Variants in DOT1L observed in about 807,000 individuals in gnomAD.
DOT1L encodes the protein DOT1 like histone lysine methyltransferase, also known as histone-lysine N-methyltransferase, H3 lysine-79 specific.
In DOT1L, 33 loss-of-function variants were observed where a neutral mutation model predicts 153.3. The observed-to-expected ratio is 0.22, with a 90% CI of 0.16 to 0.29. The LOEUF is 0.29. DOT1L is among the 10% of genes least tolerant of loss of function. DOT1L has a pLI of 1.00. For missense variants in DOT1L, 1,847 were observed against 2,119.9 expected (o/e 0.87, Z 2.53); for synonymous variants, 1,135 against 965.1 (o/e 1.18, Z -3.26).
At position 2,191,646 on chromosome 19, in the gene DOT1L, G is replaced by T. The variant is rs968522416; in HGVS notation, c.493+406G>T. Among the ~76,000 whole-genome samples, 5 of 152,134 alleles carry T rather than the reference G, an allele frequency of 3.3e-5. No homozygotes were observed. The highest frequency in any genetic ancestry group is 1.2e-4 in the African/African-American group (5 of 41,438). On this transcript the variant is annotated intron_variant, in intron 5 of 27. Coordinates refer to ENST00000398665, the MANE Select transcript of DOT1L (RefSeq NM_032482.3). This position sits in a 1 kb window ranked among gnomAD's most constrained non-coding sequence, Gnocchi z 6.8. ...CCGCAGTCCTTCCCTGGGCACACCTGCTCCCTCCACAGCGGCTGGAAAGGT... is the reference window on the plus strand; with the variant it reads ...CCGCAGTCCTTCCCTGGGCACACCTTCTCCCTCCACAGCGGCTGGAAAGGT...
At chr19:2,200,012 G>C in intron 8 of DOT1L, 73 bp downstream of exon 8, 1 of 1,571,612 alleles carries the variant, frequency 6.4e-7, no homozygotes, top group Non-Finnish European at 8.7e-7. Context: ...TGGCACCGGG[G>C]ACCGGGAGCG....
Position 2,231,475 on chromosome 19 carries a change from A to AT in DOT1L, c.*1683_*1684insT, listed in dbSNP as rs1555731638. ...TGAAGACCCCTGCTTGTGCCTGGTG[A>AT]GGGGGGTGCTGCCTCCCCCAGCCCC... is the stretch of plus-strand genomic sequence containing the variant. On this transcript the variant is annotated 3_prime_UTR_variant, in exon 28 of 28. Transcript: ENST00000398665. The AT allele has an allele frequency of 2.9e-5, 6 of 205,864 alleles. No individual in the cohort carries two copies. The highest frequency in any genetic ancestry group is 5.9e-5 in the Non-Finnish European group (6 of 100,880). The allele number at this position is 205,864 out of a possible 1,614,324, so 12.8% of individuals were successfully genotyped here.
intron 1 of DOT1L, among the ~76,000 whole-genome samples, chr19:2,168,871 C>G (rs1360077158): frequency 6.6e-6 from 1 of 152,204 alleles, no homozygotes; most frequent in East Asian, 1.9e-4. Flanking sequence ...GCCTGGGCCT[C>G]CCAGAGTGCT....
chr19:2,205,626 A>G (rs1350213274), intron 9 of DOT1L, among the ~76,000 whole-genome samples: 3 of 152,032 alleles, frequency 2.0e-5, no homozygotes, highest in Non-Finnish European at 4.4e-5. Context: ...TTGCATCTAC[A>G]GTTAGATTTT....
At chr19:2,226,047 C>T in intron 26 of DOT1L, 136 bp from the exon 27 acceptor site, 3 of 942,784 alleles carry the variant, frequency 3.2e-6, no homozygotes, top group African/African-American at 1.7e-5. Flanking sequence ...CCATCCTGTC[C>T]CGCTTGGCAT....
At chr19:2,196,631 T>G (rs1410200436) in intron 7 of DOT1L, among the ~76,000 whole-genome samples, 1 of 152,152 alleles carries the variant, frequency 6.6e-6, no homozygotes. Flanking sequence ...GCGCCGGGCC[T>G]CCTTGGGGTT....
chr19:2,221,542 A>G (rs73919909), intron 23 of DOT1L: 25,709 of 174,328 alleles, frequency 0.15, 2,827 homozygotes, highest in African/African-American at 0.3. Flanking sequence ...GCGGCCTTCA[A>G]GGCGGCCATA....
rs1241459477 is a variant in DOT1L at position 2,211,859 on chromosome 19, T to C, written c.1557+17T>C. 5 of 1,551,220 alleles carry C rather than the reference T, an allele frequency of 3.2e-6. No homozygotes were observed. The South Asian group carries it at 5.9e-5, about 18-fold the overall frequency. ...CAGGAGAAGGTGGGTCCTGGCCCCCTTGGCATTCCGCCTTCCCGCACAGAG... is the reference window on the plus strand; with the variant it reads ...CAGGAGAAGGTGGGTCCTGGCCCCCCTGGCATTCCGCCTTCCCGCACAGAG... On this transcript the variant is annotated intron_variant, in intron 16 of 27. Transcript: ENST00000398665.
chr19:2,176,836 G>A (rs2021962401), intron 1 of DOT1L, among the ~76,000 whole-genome samples: 1 of 152,180 alleles, frequency 6.6e-6, no homozygotes. Flanking sequence ...AAGACGCTAT[G>A]GACAGACAGG....
chr19:2,194,827 A>C (rs1448161094), intron 7 of DOT1L, among the ~76,000 whole-genome samples: 11 of 152,190 alleles, frequency 7.2e-5, no homozygotes, highest in Admixed American at 7.2e-4. Context: ...TGCGGTGCAC[A>C]GAGGTGGTGC....
chr19:2,222,185 C>T lies in DOT1L; in HGVS notation c.3016C>T (p.Leu1006Phe). The T allele has an allele frequency of 6.2e-7, 1 of 1,613,146 alleles. No homozygotes were observed. The highest frequency in any genetic ancestry group is 8.5e-7 in the Non-Finnish European group (1 of 1,179,854). The change falls in exon 24 of 28, where the codon CTC becomes TTC. Residue 1006 changes from leucine to phenylalanine, a missense_variant. Coordinates refer to ENST00000398665, the MANE Select transcript of DOT1L (RefSeq NM_032482.3). This position sits in a 1 kb window ranked among gnomAD's most constrained non-coding sequence, Gnocchi z 6.5. ...GCTTCCTGCCTCTCCCGCCCACCAGCTCTCCTCCAGTCCCCGGCTTGGTGG... is the reference window on the plus strand; with the variant it reads ...GCTTCCTGCCTCTCCCGCCCACCAGTTCTCCTCCAGTCCCCGGCTTGGTGG... ...NSLPASPAHQ[L>F]SSSPRLGGAA...
intron 2 of DOT1L, among the ~76,000 whole-genome samples, chr19:2,183,823 C>T (rs1439965391): frequency 1.3e-5 from 2 of 151,972 alleles, no homozygotes; most frequent in African/African-American, 4.8e-5. Flanking sequence ...GACAGGGTTT[C>T]ACCATGTTGA....
chr19:2,202,973 G>A (rs1029996414), intron 9 of DOT1L, among the ~76,000 whole-genome samples, 194 bp downstream of exon 9: 1 of 152,192 alleles, frequency 6.6e-6, no homozygotes, highest in Non-Finnish European at 1.5e-5. Flanking sequence ...CCAGGCTGGA[G>A]TGTAGTGGCA....
At chr19:2,227,613 C>G in intron 27 of DOT1L, 2 of 1,092,498 alleles carry the variant, frequency 1.8e-6, no homozygotes, top group Non-Finnish European at 2.4e-6. Flanking sequence ...GCTGCTTGTG[C>G]TTGGTGCCCG....
At chr19:2,212,390 C>G (rs569869763) in intron 16 of DOT1L, 2 of 152,634 alleles carry the variant, frequency 1.3e-5, no homozygotes, top group African/African-American at 4.8e-5. Flanking sequence ...TCTTGATCTC[C>G]TAATCTCGTG....
intron 1 of DOT1L, among the ~76,000 whole-genome samples, chr19:2,168,045 C>G (rs1448273273): frequency 6.6e-6 from 1 of 152,156 alleles, no homozygotes; most frequent in African/African-American, 2.4e-5. Flanking sequence ...GCAGCTGCAG[C>G]AGCACATTTA....
At position 2,197,216 on chromosome 19, in the gene DOT1L, C is replaced by T. The variant is rs750253066; in HGVS notation, c.651+2639C>T. ...ACTTGCGCATCCAGGGCTGTGGGCC[C>T]GGCTCTCCTTCCCTTTCTCATGGTG... is the stretch of plus-strand genomic sequence containing the variant. On this transcript the variant is annotated intron_variant, in intron 7 of 27. Coordinates refer to ENST00000398665, the MANE Select transcript of DOT1L (RefSeq NM_032482.3). This position sits in a 1 kb window ranked among gnomAD's most constrained non-coding sequence, Gnocchi z 4.1. 1.5e-4 allele frequency among the ~76,000 whole-genome samples: 23 copies of T among 152,194 alleles called. No homozygotes were observed. The highest frequency in any genetic ancestry group is 2.4e-4 in the Non-Finnish European group (16 of 68,042).
intron 27 of DOT1L, chr19:2,227,903 G>A (rs1217025997): frequency 5.2e-5 from 64 of 1,227,746 alleles, no homozygotes; most frequent in Admixed American, 1.6e-4. Context: ...AGACCCGGCC[G>A]CCCCCTCCGC....
At chr19:2,202,638 G>T in intron 8 of DOT1L, 62 bp from the exon 9 acceptor site, 1 of 1,537,818 alleles carries the variant, frequency 6.5e-7, no homozygotes, top group East Asian at 2.3e-5. Context: ...TGTTGGCTGC[G>T]CCGGGTGGCT....
Sources: allele counts gnomAD v4.1 joint callset (sites outside exome capture counted in the v4.1 genomes callset), GRCh38; gene constraint gnomAD v4.1.1; non-coding constraint Gnocchi (gnomAD v3.1); transcripts MANE v1.5; gene names NCBI Gene and HGNC (gene_info 2026-07-23, HGNC 2026-07-21).